Variants in ZBTB20 observed in about 807,000 individuals in gnomAD.
ZBTB20 encodes the protein zinc finger and BTB domain-containing protein 20.
ZBTB20 carries 9 observed loss-of-function variants against 56.9 expected under a neutral mutation model. That is an observed-to-expected ratio of 0.16 (90% CI 0.10 to 0.28). The LOEUF is 0.28. Ranked by LOEUF, ZBTB20 falls within the 10% of genes least tolerant of loss-of-function variation. The probability of loss-of-function intolerance (pLI) is 1.00; values close to 1 mark genes in which losing one functional copy is unlikely to be tolerated. For synonymous variants in ZBTB20, 417 were observed against 420.7 expected, an observed-to-expected ratio of 0.99 and a Z score of 0.11; for missense variants, 655 against 1,003.0, an observed-to-expected ratio of 0.65 and a Z score of 4.69.
At chr3:115,012,299 C>A (rs1257182550) in intron 2 of ZBTB20, among the ~76,000 whole-genome samples, 2 of 151,662 alleles carry the variant, frequency 1.3e-5, no homozygotes, top group Non-Finnish European at 3.0e-5. Context: ...CAAAAAAGAT[C>A]CAATGATCTG....
chr3:114,432,559 C>A (rs1044243024), intron 7 of ZBTB20, among the ~76,000 whole-genome samples: 2 of 152,164 alleles, frequency 1.3e-5, no homozygotes, highest in African/African-American at 4.8e-5. Context: ...CGCCACATGT[C>A]CCTGCATTCG....
In ZBTB20 at chr3:115,133,133, G is replaced by A. The variant is rs188351943; in HGVS notation, c.-703+14086C>T. On this transcript the variant is annotated intron_variant, in intron 1 of 11. Coordinates refer to ENST00000675478, the MANE Select transcript of ZBTB20 (RefSeq NM_001348800.3). ...TACATCAAAATTATGTATTCCTTAC[G>A]TTTAAGTGACAACATCTGGTCAAAT... Among the ~76,000 whole-genome samples the A allele has an allele frequency of 2.6e-3, 393 of 152,092 alleles. 2 individuals are homozygous for A. Among genetic ancestry groups the A allele is most frequent in the African/African-American group, 9.3e-3 (385 of 41,502 alleles).
intron 1 of ZBTB20, among the ~76,000 whole-genome samples, chr3:115,092,996 T>C (rs995134749): frequency 2.0e-5 from 3 of 152,130 alleles, no homozygotes; most frequent in African/African-American, 4.8e-5. Context: ...CATATATAGC[T>C]ACTTAAAATC....
chr3:114,948,606 CTCTT>C (rs1275272853), intron 3 of ZBTB20, among the ~76,000 whole-genome samples: 1 of 145,428 alleles, frequency 6.9e-6, no homozygotes, highest in Non-Finnish European at 1.5e-5. Context: ...TCTCTCCTCT[CTCTT>C]TCTGACTCTC....
intron 5 of ZBTB20, among the ~76,000 whole-genome samples, chr3:114,779,036 T>A (rs1369253260): frequency 6.6e-6 from 1 of 152,198 alleles, no homozygotes; most frequent in Admixed American, 6.5e-5. Flanking sequence ...CAATGTGTTG[T>A]CTTTTCAATT....
At chr3:114,698,986 T>C (rs763806645) in intron 5 of ZBTB20, among the ~76,000 whole-genome samples, 1 of 152,106 alleles carries the variant, frequency 6.6e-6, no homozygotes, top group African/African-American at 2.4e-5. Flanking sequence ...AAAAATATAT[T>C]CCGATGTTTT....
At chr3:114,903,654 C>T (rs1175932155) in intron 3 of ZBTB20, among the ~76,000 whole-genome samples, 1 of 152,084 alleles carries the variant, frequency 6.6e-6, no homozygotes, top group Non-Finnish European at 1.5e-5. Flanking sequence ...TGCAGCAACA[C>T]TGCCGAACTT....
chr3:115,132,399 T>A (rs1265604191), intron 1 of ZBTB20, among the ~76,000 whole-genome samples: 1 of 152,196 alleles, frequency 6.6e-6, no homozygotes, highest in African/African-American at 2.4e-5. Context: ...TCAATTTTTC[T>A]TACTCATTTT....
At chr3:114,849,223 T>A (rs1246598020) in intron 4 of ZBTB20, among the ~76,000 whole-genome samples, 1 of 152,228 alleles carries the variant, frequency 6.6e-6, no homozygotes. Flanking sequence ...GCAACAGGGA[T>A]AATCTAATCA....
intron 7 of ZBTB20, among the ~76,000 whole-genome samples, chr3:114,466,808 G>A (rs949184628): frequency 1.3e-5 from 2 of 152,166 alleles, no homozygotes; most frequent in African/African-American, 4.8e-5. Context: ...AAGATTAGAA[G>A]CAATAATCCT....
chr3:114,460,286 G>A (rs72950700), intron 7 of ZBTB20, among the ~76,000 whole-genome samples: 2,723 of 152,154 alleles, frequency 0.018, 77 homozygotes, highest in African/African-American at 0.057. Flanking sequence ...AGTAGGCTGA[G>A]GAATGGCCCC....
chr3:114,549,969 G>A (rs552891548), intron 6 of ZBTB20, among the ~76,000 whole-genome samples: 69 of 151,866 alleles, frequency 4.5e-4, no homozygotes, highest in Admixed American at 4.2e-3. Context: ...ATGGAGCCTT[G>A]CTCTGTGGCC....
intron 2 of ZBTB20, among the ~76,000 whole-genome samples, chr3:114,994,823 A>G (rs1331210709): frequency 2.6e-5 from 4 of 151,976 alleles, no homozygotes; most frequent in Admixed American, 2.6e-4. Context: ...GGATGAATTT[A>G]CTGAAATCCC....
intron 1 of ZBTB20, among the ~76,000 whole-genome samples, chr3:115,084,732 G>A (rs545393123): frequency 7.2e-5 from 11 of 151,870 alleles, no homozygotes; most frequent in Non-Finnish European, 1.5e-4. Context: ...TGCAGAAAGC[G>A]TCCCAAGAAT....
chr3:115,074,080 C>T (rs992238194), intron 1 of ZBTB20, among the ~76,000 whole-genome samples: 2 of 152,072 alleles, frequency 1.3e-5, no homozygotes, highest in African/African-American at 4.8e-5. Context: ...AGCCTAGAAT[C>T]CTAAATAATC....
At chr3:114,705,598 C>A (rs888632628) in intron 5 of ZBTB20, among the ~76,000 whole-genome samples, 2 of 152,178 alleles carry the variant, frequency 1.3e-5, no homozygotes, top group Non-Finnish European at 2.9e-5. Flanking sequence ...AAAACAAACA[C>A]CCATTAAAAA....
chr3:114,597,548 A>G (rs2056417585), intron 6 of ZBTB20, among the ~76,000 whole-genome samples: 1 of 152,118 alleles, frequency 6.6e-6, no homozygotes, highest in Non-Finnish European at 1.5e-5. Flanking sequence ...ACTGTTCTAT[A>G]CTAGAGTTGT....
At chr3:114,378,688 C>T (rs1198129605) in intron 10 of ZBTB20, among the ~76,000 whole-genome samples, 1 of 152,244 alleles carries the variant, frequency 6.6e-6, no homozygotes, top group African/African-American at 2.4e-5. Context: ...GTAGAAACTC[C>T]AGGCCCTTCA....
chr3:115,137,983 G>GA (rs1465992020), intron 1 of ZBTB20, among the ~76,000 whole-genome samples: 1 of 151,938 alleles, frequency 6.6e-6, no homozygotes, highest in East Asian at 1.9e-4. Context: ...CTTTGTTTTC[G>GA]AAACTCTCAG....
Sources: gnomAD v4.1 joint callset for allele counts (sites outside exome capture counted in the v4.1 genomes callset) on GRCh38, gnomAD v4.1.1 for gene constraint, MANE v1.5 for transcripts, NCBI Gene and HGNC (gene_info 2026-07-23, HGNC 2026-07-21) for gene names.